The following CD36 variants were observed in gnomAD, a reference collection of about 807,000 sequenced individuals.
CD36 encodes the protein platelet glycoprotein 4.
A neutral mutation model predicts 55.2 loss-of-function variants in CD36; 119 were observed. The observed-to-expected ratio is 2.15, with a 90% CI of 1.86 to 2.51. The LOEUF is 2.51. Among genes scored for constraint, CD36 ranks in the 30% most tolerant of loss-of-function variants. CD36 has a pLI of 0.00. For synonymous variants in CD36, 186 were observed against 193.6 expected, an observed-to-expected ratio of 0.96 and a Z score of 0.33; for missense variants, 819 against 555.5, an observed-to-expected ratio of 1.47 and a Z score of -4.77.
Position 80,646,769 on chromosome 7 carries a change from T to A in CD36, c.29T>A (p.Ile10Asn), listed in dbSNP as rs1224089557. 1 of 1,613,926 alleles carries A rather than the reference T, an allele frequency of 6.2e-7. No homozygotes were observed. The highest frequency in any genetic ancestry group is 8.5e-7 in the Non-Finnish European group (1 of 1,179,962). The stretch of plus-strand genomic sequence containing the variant: ...GGCTGTGACCGGAACTGTGGGCTCA[T>A]CGCTGGGGCTGTCATTGGTGCTGTC... MGCDRNCGL[I>N]AGAVIGAVLA... Residue 10 changes from isoleucine to asparagine, a missense_variant, in exon 3 of 15, where the codon ATC (isoleucine) becomes AAC (asparagine). Transcript: ENST00000447544.
rs575512290 is a variant in CD36, at chr7:80,612,692, A to G, written c.-184+10313A>G. ...ATCTGACTTTTTCTATTATTCAACC[A>G]TATACTTTCTTTTGTTGTTTTTATT... On this transcript the variant is annotated intron_variant, in intron 1 of 13. Transcript: ENST00000309881. Among the ~76,000 whole-genome samples the G allele has an allele frequency of 3.6e-4, 55 of 152,270 alleles. No homozygotes were observed. In the South Asian group the frequency reaches 0.01, roughly 28 times the overall value.
In CD36 at chr7:80,661,189, A is replaced by G; in HGVS notation, c.408A>G (p.Thr136=). Residue 136 remains threonine (T), a synonymous_variant, in exon 5 of 15, where the codon ACA becomes ACG. Coordinates refer to ENST00000447544, the MANE Select transcript of CD36 (RefSeq NM_001001548.3). ...TTGGAACAGAGGCTGACAACTTCAC[A>G]GTTCTCAATCTGGCTGTGGCAGTGA... ...LSVGTEADNF[T]VLNLAVAAAS... 1 of 1,614,028 alleles carries G rather than the reference A, an allele frequency of 6.2e-7. No individual in the cohort carries two copies. Among genetic ancestry groups the G allele is most frequent in the East Asian group, 2.2e-5 (1 of 44,828 alleles).
At chr7:80,618,513 C>A (rs139943685) in intron 1 of CD36, among the ~76,000 whole-genome samples, 1 of 152,134 alleles carries the variant, frequency 6.6e-6, no homozygotes, top group Non-Finnish European at 1.5e-5. Context: ...TGACACCAAA[C>A]AGTTAGCTAA....
intron 1 of CD36, among the ~76,000 whole-genome samples, chr7:80,645,061 C>T (rs1795058551): frequency 6.6e-6 from 1 of 150,936 alleles, no homozygotes; most frequent in Non-Finnish European, 1.5e-5. Context: ...ACTCTTGTTG[C>T]CCAGGCTGGA....
intron 8 of CD36, 103 bp from the exon 9 acceptor site, chr7:80,669,850 A>G (rs1287918237): frequency 1.2e-6 from 1 of 810,718 alleles, no homozygotes; most frequent in Non-Finnish European, 2.2e-6. Context: ...TTACTTAGGC[A>G]GTTTGCATTA....
At chr7:80,633,677 A>G (rs574917792), upstream of CD36, among the ~76,000 whole-genome samples, 75 of 152,134 alleles carry the variant, frequency 4.9e-4, no homozygotes, top group Middle Eastern at 6.8e-3. Flanking sequence ...TAATACTTCT[A>G]TAAGTGACGA....
At chr7:80,674,342 G>A in intron 14 of CD36, 195 bp downstream of exon 14, 1 of 537,496 alleles carries the variant, frequency 1.9e-6, no homozygotes, top group Non-Finnish European at 3.3e-6. Flanking sequence ...TTAATTCTGG[G>A]AGAAATGAGA....
chr7:80,667,752 T>TG (rs1222908913), intron 8 of CD36, among the ~76,000 whole-genome samples: 7 of 110,840 alleles, frequency 6.3e-5, no homozygotes, highest in South Asian at 3.5e-4. Flanking sequence ...CTTTTGTTTT[T>TG]TTTTTTTTTT....
chr7:80,613,417 A>T (rs1792983546), intron 1 of CD36, among the ~76,000 whole-genome samples: 1 of 152,088 alleles, frequency 6.6e-6, no homozygotes, highest in Non-Finnish European at 1.5e-5. Context: ...ATTCTACTTT[A>T]TGGAGATTTT....
chr7:80,670,586 G>C (rs1797567994), intron 9 of CD36: 1 of 250,724 alleles, frequency 4.0e-6, no homozygotes, highest in Non-Finnish European at 7.8e-6. Context: ...AAATGTACCA[G>C]GTATATATCC....
At chr7:80,651,824 C>A (rs948513047) in intron 3 of CD36, among the ~76,000 whole-genome samples, 2 of 152,050 alleles carry the variant, frequency 1.3e-5, no homozygotes, top group African/African-American at 4.8e-5. Flanking sequence ...TGGGAGGATC[C>A]CTTGAGCCCA....
chr7:80,615,324 A>C (rs1793087021), intron 1 of CD36, among the ~76,000 whole-genome samples: 1 of 152,194 alleles, frequency 6.6e-6, no homozygotes, highest in Admixed American at 6.5e-5. Context: ...TTACAGAATA[A>C]AGTTCAATCT....
chr7:80,649,407 T>C (rs1467702403), intron 3 of CD36, among the ~76,000 whole-genome samples: 1 of 151,998 alleles, frequency 6.6e-6, no homozygotes, highest in East Asian at 1.9e-4. Flanking sequence ...TCAAGGAGAA[T>C]ATAAGATTCC....
At chr7:80,647,861 G>C (rs886959010) in intron 3 of CD36, among the ~76,000 whole-genome samples, 3 of 152,106 alleles carry the variant, frequency 2.0e-5, no homozygotes, top group Admixed American at 1.3e-4. Context: ...ACCTGGTTAG[G>C]ATGGCAATGA....
At chr7:80,659,110 A>G (rs1796321620) in intron 4 of CD36, among the ~76,000 whole-genome samples, 1 of 152,134 alleles carries the variant, frequency 6.6e-6, no homozygotes, top group African/African-American at 2.4e-5. Flanking sequence ...ATAGTCTTTT[A>G]TTGTTTGCCT....
At chr7:80,644,223 C>T (rs572109878) in intron 1 of CD36, among the ~76,000 whole-genome samples, 1 of 152,204 alleles carries the variant, frequency 6.6e-6, no homozygotes, top group South Asian at 2.1e-4. Flanking sequence ...TTTCCAAGGG[C>T]AGGGAAAGCT....
chr7:80,623,739 G>A (rs1348979884), intron 1 of CD36, among the ~76,000 whole-genome samples: 10 of 152,160 alleles, frequency 6.6e-5, no homozygotes, highest in African/African-American at 2.4e-4. Flanking sequence ...GATACATGTT[G>A]TTATGTGGTT....
intron 6 of CD36, among the ~76,000 whole-genome samples, chr7:80,663,916 TAATG>T (rs1357714503): frequency 5.3e-5 from 8 of 152,140 alleles, no homozygotes; most frequent in Admixed American, 6.5e-5. Flanking sequence ...TAGAAAGCCA[TAATG>T]AATCAAATTC....
In CD36 at chr7:80,670,835, CCAAT is replaced by C. The variant is rs529527170; in HGVS notation, c.819-139_819-136del. The C allele has an allele frequency of 5.5e-4, 370 of 670,424 alleles. 5 individuals are homozygous for C. In the South Asian group the frequency reaches 6.5e-3, roughly 12 times the overall value. The allele number at this position is 670,424 out of a possible 1,614,324, so 41.5% of individuals were successfully genotyped here. A position where few individuals can be genotyped will look rare whatever the true frequency, so the allele number is the denominator to read the frequency against. On this transcript the variant is annotated intron_variant, in intron 9 of 14. Coordinates refer to ENST00000447544, the MANE Select transcript of CD36 (RefSeq NM_001001548.3). ...GAGTTTTAGTATGTGTTAAAATTTC[CCAAT>C]CACTTTTTTTCTAAGAATGAAACAA... is the stretch of plus-strand genomic sequence containing the variant.
Sources: allele counts gnomAD v4.1 joint callset (sites outside exome capture counted in the v4.1 genomes callset), GRCh38; gene constraint gnomAD v4.1.1; transcripts MANE v1.5; gene names NCBI Gene and HGNC (gene_info 2026-07-23, HGNC 2026-07-21).